RIPPLY1: variants seen among roughly 807,000 people sequenced by gnomAD.
The protein encoded by RIPPLY1 is ripply transcriptional repressor 1.
In RIPPLY1, 10 loss-of-function variants were observed where a neutral mutation model predicts 8.7. The ratio of observed to expected loss-of-function variants is 1.15; its 90% CI spans 0.71 to 1.94. RIPPLY1 has a LOEUF of 1.94. Ranked by LOEUF, RIPPLY1 falls within the 30% of genes most tolerant of loss-of-function variation. The pLI, the probability that RIPPLY1 is intolerant of heterozygous loss-of-function variation, is 0.00. For missense variants in RIPPLY1, 118 were observed against 108.7 expected, an observed-to-expected ratio of 1.09 and a Z score of -0.38; for synonymous variants, 54 against 44.8, an observed-to-expected ratio of 1.20 and a Z score of -0.82.
Position 106,900,073 on chromosome X carries a change from A to G in RIPPLY1, c.*676T>C, listed in dbSNP as rs755765958. 1 of 112,578 alleles carries G rather than the reference A, an allele frequency of 8.9e-6. No individual in the cohort carries two copies. The highest frequency in any genetic ancestry group is 2.8e-4 in the East Asian group (1 of 3,572). 9.3% of individuals were successfully genotyped at this position (112,578 alleles called of 1,213,427 possible). A position where few individuals can be genotyped will look rare whatever the true frequency, so the allele number is the denominator to read the frequency against. On this transcript the variant is annotated 3_prime_UTR_variant, in exon 4 of 4. Transcript: ENST00000276173. Reference sequence around the variant, plus strand: ...AAGAAATCAGCACAGTTCCAAGAAAAAGGAAAACACCATCCAGTTTATTTT... The same window carrying G: ...AAGAAATCAGCACAGTTCCAAGAAAGAGGAAAACACCATCCAGTTTATTTT...
chrX:106,903,111 C>G, intron 1 of RIPPLY1, 22 bp downstream of exon 1: 2 of 1,209,557 alleles, frequency 1.7e-6, no homozygotes, highest in Non-Finnish European at 2.2e-6. Flanking sequence ...GTTCAGGTTG[C>G]CAAAGGCTAA....
chrX:106,901,544 C>T lies in RIPPLY1; in HGVS notation c.232-6G>A. 8.3e-7 allele frequency: 1 copy of T among 1,210,287 alleles called. No individual in the cohort carries two copies. The highest frequency in any genetic ancestry group is 1.1e-6 in the Non-Finnish European group (1 of 894,483). ...GCCGTTGCCCCACCAGCAGCCTGTC[C>T]AAAGCAAAAGCTAGCATGTGGCTCA... On this transcript the variant is annotated splice_polypyrimidine_tract_variant and splice_region_variant and intron_variant, in intron 2 of 3. Coordinates refer to ENST00000276173, the MANE Select transcript of RIPPLY1 (RefSeq NM_138382.3).
chrX:106,901,851 T>C lies in RIPPLY1; in HGVS notation c.231+289A>G, dbSNP rs188246617. Among the ~76,000 whole-genome samples the C allele has an allele frequency of 4.2e-3, 468 of 111,550 alleles. 2 individuals are homozygous for C. Among genetic ancestry groups the C allele is most frequent in the African/African-American group, 0.015 (460 of 30,706 alleles). ...GGAGATCGGGTGGGTGGGAGAGCAC[T>C]GGAGTAAGGTGCCAGGAGACGAGGC... On this transcript the variant is annotated intron_variant, in intron 2 of 3. Coordinates refer to ENST00000276173, the MANE Select transcript of RIPPLY1 (RefSeq NM_138382.3).
rs200487665 is a variant in RIPPLY1, at chrX:106,901,485, A to T, written c.285T>A (p.His95Gln). ...TGCCAGAAGCTTACCTGACAGGGTG[A>T]TGGAACTTGGATTCAGCCTTGGTGA... ...AEVTKAESKF[H>Q]HPVRLFWPKS... Residue 95 changes from histidine (H) to glutamine (Q), a missense_variant, in exon 3 of 4, where the codon CAT (histidine) becomes CAA (glutamine). Coordinates refer to ENST00000276173, the MANE Select transcript of RIPPLY1 (RefSeq NM_138382.3). 2 of 1,209,609 alleles carry T rather than the reference A, an allele frequency of 1.7e-6. No individual in the cohort carries two copies. Among genetic ancestry groups the T allele is most frequent in the East Asian group, 5.9e-5 (2 of 33,748 alleles).
Position 106,900,922 on chromosome X carries a change from A to C in RIPPLY1, c.297-14T>G. 1 of 1,206,585 alleles carries C rather than the reference A, an allele frequency of 8.3e-7. No individual in the cohort carries two copies. The highest frequency in any genetic ancestry group is 1.1e-6 in the Non-Finnish European group (1 of 893,036). On this transcript the variant is annotated splice_polypyrimidine_tract_variant and intron_variant, in intron 3 of 3. Transcript: ENST00000276173. Reference sequence around the variant, plus strand: ...GGCCAGAAGAGCCTGTGGACAGAGAAGAAACATGGCCCCTAACAGGTGTCA... The same window carrying C: ...GGCCAGAAGAGCCTGTGGACAGAGACGAAACATGGCCCCTAACAGGTGTCA...
At position 106,902,262 on chromosome X, in the gene RIPPLY1, G is replaced by A. The variant is rs1423454847; in HGVS notation, c.156-47C>T. On this transcript the variant is annotated intron_variant, in intron 1 of 3. Coordinates refer to ENST00000276173, the MANE Select transcript of RIPPLY1 (RefSeq NM_138382.3). ...AATCCGTAGAGGAAGAGACTGAAAG[G>A]TGGGCTCCCTGAGATAACAAGAGAC... The A allele has an allele frequency of 6.7e-6, 7 of 1,052,452 alleles. No individual in the cohort carries two copies. The Admixed American group carries it at 7.9e-5, about 12-fold the overall frequency. The allele number at this position is 1,052,452 out of a possible 1,213,427, so 86.7% of individuals were successfully genotyped here.
chrX:106,901,966 G>A (rs946859190), intron 2 of RIPPLY1, among the ~76,000 whole-genome samples, 174 bp downstream of exon 2: 1 of 112,107 alleles, frequency 8.9e-6, no homozygotes, highest in African/African-American at 3.2e-5. Flanking sequence ...CTTTCCAATT[G>A]CCACAGAAAG....
chrX:106,902,155 C>T lies in RIPPLY1; in HGVS notation c.216G>A (p.Arg72=). The change falls in exon 2 of 4, where the codon AGG becomes AGA. Residue 72 remains arginine (R), a synonymous_variant. Transcript: ENST00000276173. ...SSTNDSPRQM[R]KLVDLAAGGA... ...TCGAACTCACCAAATCCACCAGCTT[C>T]CTCATCTGCCTTGGGGAGTCATTTG... 1 of 1,194,645 alleles carries T rather than the reference C, an allele frequency of 8.4e-7. No homozygotes were observed. Among genetic ancestry groups the T allele is most frequent in the Non-Finnish European group, 1.1e-6 (1 of 886,677 alleles).
intron 2 of RIPPLY1, 80 bp downstream of exon 2, chrX:106,902,060 G>T: frequency 2.4e-6 from 2 of 840,245 alleles, no homozygotes; most frequent in Admixed American, 2.7e-5. Context: ...ACTGAGGTCA[G>T]GGGCTCTCTG....
chrX:106,900,577 C>T lies in RIPPLY1; in HGVS notation c.*172G>A, dbSNP rs1793160497. On this transcript the variant is annotated 3_prime_UTR_variant, in exon 4 of 4. Coordinates refer to ENST00000276173, the MANE Select transcript of RIPPLY1 (RefSeq NM_138382.3). Reference sequence around the variant, plus strand: ...GAAAGCTCTATCTGCTGGACTAATACTTCCGGCTAACTGATGTCTGTGAAA... The same window carrying T: ...GAAAGCTCTATCTGCTGGACTAATATTTCCGGCTAACTGATGTCTGTGAAA... 12 of 902,547 alleles carry T rather than the reference C, an allele frequency of 1.3e-5. No individual in the cohort carries two copies. Among genetic ancestry groups the T allele is most frequent in the Non-Finnish European group, 1.8e-5 (12 of 677,432 alleles). 74.4% of individuals were successfully genotyped at this position (902,547 alleles called of 1,213,427 possible).
At chrX:106,901,214 C>T (rs1259111096) in intron 3 of RIPPLY1, among the ~76,000 whole-genome samples, 1 of 112,095 alleles carries the variant, frequency 8.9e-6, no homozygotes, top group Non-Finnish European at 1.9e-5. Flanking sequence ...ATTCTCCAGC[C>T]CTATGGCCCC....
At position 106,900,724 on chromosome X, in the gene RIPPLY1, C is replaced by T. The variant is rs766038685; in HGVS notation, c.*25G>A. Reference sequence around the variant, plus strand: ...ATGGACCCTGGTACCCTCACACACCCTTCTGGCCCCTTTTCATTGGCCTCC... The same window carrying T: ...ATGGACCCTGGTACCCTCACACACCTTTCTGGCCCCTTTTCATTGGCCTCC... On this transcript the variant is annotated 3_prime_UTR_variant, in exon 4 of 4. Transcript: ENST00000276173. 8.4e-7 allele frequency: 1 copy of T among 1,189,792 alleles called. No homozygotes were observed. The highest frequency in any genetic ancestry group is 1.1e-6 in the Non-Finnish European group (1 of 884,991).
chrX:106,902,561 G>A (rs1933119236), intron 1 of RIPPLY1, among the ~76,000 whole-genome samples: 1 of 111,643 alleles, frequency 9.0e-6, no homozygotes, highest in Non-Finnish European at 1.9e-5. Context: ...TTGGAGTAAT[G>A]AGTGGGGGCT....
chrX:106,901,495 G>A lies in RIPPLY1; in HGVS notation c.275C>T (p.Ser92Phe), dbSNP rs1569284797. ...ATAAEVTKAE[S>F]KFHHPVRLFW... ...TTACCTGACAGGGTGATGGAACTTG[G>A]ATTCAGCCTTGGTGACCTCAGCAGC... The change falls in exon 3 of 4, where the codon TCC becomes TTC. Residue 92 changes from serine (S) to phenylalanine (F), a missense_variant. Ser to Phe is a radical substitution (Grantham distance 155). Coordinates refer to ENST00000276173, the MANE Select transcript of RIPPLY1 (RefSeq NM_138382.3). The A allele has an allele frequency of 8.3e-7, 1 of 1,211,498 alleles. No individual in the cohort carries two copies. The highest frequency in any genetic ancestry group is 1.1e-6 in the Non-Finnish European group (1 of 895,198).
In RIPPLY1 at chrX:106,903,292, A is replaced by T; in HGVS notation, c.-5T>A. 1 of 1,192,273 alleles carries T rather than the reference A, an allele frequency of 8.4e-7. No homozygotes were observed. Among genetic ancestry groups the T allele is most frequent in the Non-Finnish European group, 1.1e-6 (1 of 884,710 alleles). On this transcript the variant is annotated 5_prime_UTR_variant, in exon 1 of 4. Coordinates refer to ENST00000276173, the MANE Select transcript of RIPPLY1 (RefSeq NM_138382.3). ...AGCACAGGCAGCAGAGTCCATTCTT[A>T]GGGGACCAAAGCCAGTGGGGTCTCC...
chrX:106,902,056 G>A, intron 2 of RIPPLY1, 84 bp downstream of exon 2: 1 of 815,375 alleles, frequency 1.2e-6, no homozygotes, highest in South Asian at 2.3e-5. Context: ...TTGGACTGAG[G>A]TCAGGGGCTC....
In RIPPLY1 at chrX:106,903,189, G is replaced by A. The variant is rs772423682; in HGVS notation, c.99C>T (p.Gly33=). 10 of 1,210,467 alleles carry A rather than the reference G, an allele frequency of 8.3e-6. No homozygotes were observed. Among genetic ancestry groups the A allele is most frequent in the Non-Finnish European group, 1.1e-5 (10 of 894,735 alleles). ...DLAQAPLALP[G]LLSPSCLLSS... ...AGAGAAGGCAAGATGGGCTTAACAGGCCAGGGAGTGCCAGTGGGGCTTGTG... is the reference window on the plus strand; with the variant it reads ...AGAGAAGGCAAGATGGGCTTAACAGACCAGGGAGTGCCAGTGGGGCTTGTG... The change falls in exon 1 of 4, where the codon GGC becomes GGT. Residue 33 remains glycine (G), a synonymous_variant. Coordinates refer to ENST00000276173, the MANE Select transcript of RIPPLY1 (RefSeq NM_138382.3).
Position 106,900,699 on chromosome X carries a change from A to G in RIPPLY1, c.*50T>C, listed in dbSNP as rs761126574. Reference sequence around the variant, plus strand: ...GGGATGAGCTGTGGCGCTGTAGGGTATGGACCCTGGTACCCTCACACACCC... The same window carrying G: ...GGGATGAGCTGTGGCGCTGTAGGGTGTGGACCCTGGTACCCTCACACACCC... On this transcript the variant is annotated 3_prime_UTR_variant, in exon 4 of 4. Transcript: ENST00000276173. 29 of 1,165,839 alleles carry G rather than the reference A, an allele frequency of 2.5e-5. 1 individual carries two copies. The Middle Eastern group carries it at 3.2e-3, about 127-fold the overall frequency.
intron 3 of RIPPLY1, among the ~76,000 whole-genome samples, chrX:106,901,228 T>C (rs1933088352): frequency 1.8e-5 from 2 of 112,029 alleles, no homozygotes; most frequent in African/African-American, 6.5e-5. Flanking sequence ...TGGCCCCATC[T>C]CCTTCCACTG....
Sources: allele counts gnomAD v4.1 joint callset (sites outside exome capture counted in the v4.1 genomes callset), GRCh38; gene constraint gnomAD v4.1.1; transcripts MANE v1.5; gene names NCBI Gene and HGNC (gene_info 2026-07-23, HGNC 2026-07-21).